Variants in ISOC2 observed in about 807,000 individuals in gnomAD.
The protein encoded by ISOC2 is isochorismatase domain-containing protein 2.
Under a neutral mutation model 19.3 loss-of-function variants are expected in ISOC2, and 15 were observed. The ratio of observed to expected loss-of-function variants is 0.78; its 90% CI spans 0.52 to 1.20. The LOEUF is 1.20. Ranked by LOEUF, ISOC2 falls within the 50% of genes most tolerant of loss-of-function variation. The pLI, the probability that ISOC2 is intolerant of heterozygous loss-of-function variation, is 0.00. For missense variants in ISOC2, 285 were observed against 272.4 expected (o/e 1.05, Z -0.33); for synonymous variants, 106 against 115.8 (o/e 0.92, Z 0.54).
At position 55,455,142 on chromosome 19, in the gene ISOC2, G is replaced by C. The variant is rs200870277; in HGVS notation, c.420-36C>G. On this transcript the variant is annotated intron_variant, in intron 4 of 5. Transcript: ENST00000425675. ...GAGGGAGGGAGGGAAGGTTGGTGTG[G>C]ACGCCGCAGTCTGGACACCCAGACA... 5 of 1,589,536 alleles carry C rather than the reference G, an allele frequency of 3.1e-6. No individual in the cohort carries two copies. The Admixed American group carries it at 5.0e-5, about 16-fold the overall frequency.
chr19:55,456,493 G>T lies in ISOC2; in HGVS notation c.-3-4C>A, dbSNP rs747584272. The T allele has an allele frequency of 6.2e-7, 1 of 1,613,550 alleles. No individual in the cohort carries two copies. The highest frequency in any genetic ancestry group is 8.5e-7 in the Non-Finnish European group (1 of 1,179,712). On this transcript the variant is annotated splice_region_variant and splice_polypyrimidine_tract_variant and intron_variant, in intron 1 of 5. Coordinates refer to ENST00000425675, the MANE Select transcript of ISOC2 (RefSeq NM_001136201.2). The stretch of plus-strand genomic sequence containing the variant: ...TGGGCCTGGCAGCCGCCATTTTCTG[G>T]GGGTGGGCAGAGGGACGGTGGGTCA...
intron 3 of ISOC2, 28 bp from the exon 4 acceptor site, chr19:55,455,358 C>T: frequency 6.2e-7 from 1 of 1,613,908 alleles, no homozygotes; most frequent in South Asian, 1.1e-5. Context: ...TCAGGGCCAA[C>T]CCCGGATAAG....
intron 1 of ISOC2, 27 bp from the exon 2 acceptor site, chr19:55,456,516 T>C (rs1251523464): frequency 6.2e-7 from 1 of 1,611,758 alleles, no homozygotes. Flanking sequence ...GGACGGTGGG[T>C]CAGGCCCGAG....
rs749732792 is a variant in ISOC2 at position 55,455,748 on chromosome 19, G to A, written c.236C>T (p.Pro79Leu). The A allele has an allele frequency of 1.1e-5, 18 of 1,595,774 alleles. No individual in the cohort carries two copies. Among genetic ancestry groups the A allele is most frequent in the African/African-American group, 9.4e-5 (7 of 74,818 alleles). The change falls in exon 3 of 6, where the codon CCG becomes CTG. Residue 79 changes from proline to leucine, a missense_variant. Coordinates refer to ENST00000425675, the MANE Select transcript of ISOC2 (RefSeq NM_001136201.2). ...VPELGTEGLR[P>L]LAKTCFSMVP... ...CATGCTGAAGCAGGTCTTGGCCAGC[G>A]GCCGAAGGCCCTCAGTCCCCAGCTC...
chr19:55,453,545 C>T, intron 5 of ISOC2, 157 bp from the exon 6 acceptor site: 1 of 515,150 alleles, frequency 1.9e-6, no homozygotes, highest in Non-Finnish European at 3.4e-6. Flanking sequence ...TTCCTGGGGC[C>T]TCCCTTTCAT....
chr19:55,455,451 G>A (rs1303782332), intron 3 of ISOC2, 121 bp from the exon 4 acceptor site: 15 of 1,388,900 alleles, frequency 1.1e-5, no homozygotes, highest in Non-Finnish European at 1.2e-5. Flanking sequence ...TCGGATCAGA[G>A]GAAGGGGCCC....
rs139854789 is a variant in ISOC2, at chr19:55,456,358, G to A, written c.129C>T (p.Arg43=). 138 of 1,613,780 alleles carry A rather than the reference G, an allele frequency of 8.6e-5. 1 individual carries two copies. In the African/African-American group the frequency reaches 1.7e-3, roughly 20 times the overall value. The stretch of plus-strand genomic sequence containing the variant: ...GGGGCTGAGGTCATACCTTGAGCAT[G>A]CGGGCAGCCACTGAGACGATCTGTG... The part of the protein sequence containing the change: ...YFPQIVSVAA[R]MLKVARLLEV... Residue 43 remains arginine, a synonymous_variant, in exon 2 of 6, where the codon CGC becomes CGT. Transcript: ENST00000425675.
chr19:55,455,102 CCTGG>C lies in ISOC2; in HGVS notation c.420_423del (p.Ser140ArgfsTer11). On this transcript the variant is annotated frameshift_variant and splice_region_variant, in exon 5 of 6. Coordinates refer to ENST00000425675, the MANE Select transcript of ISOC2 (RefSeq NM_001136201.2). LOFTEE classifies it high-confidence loss of function. The stretch of plus-strand genomic sequence containing the variant: ...CGGGCCAGAGCCACCAGCCGGTCCA[CCTGG>C]CTGTGAGTGGGAGGGAGGGAGGGAA... 1 of 1,607,410 alleles carries C rather than the reference CCTGG, an allele frequency of 6.2e-7. No homozygotes were observed. The highest frequency in any genetic ancestry group is 1.1e-5 in the South Asian group (1 of 90,838).
chr19:55,460,723 C>T (rs1214978017), intron 1 of ISOC2, among the ~76,000 whole-genome samples: 6 of 152,202 alleles, frequency 3.9e-5, no homozygotes, highest in Non-Finnish European at 8.8e-5. Context: ...ATTTGCAAAC[C>T]GTTCGATTTT....
In ISOC2 at chr19:55,453,250, G is replaced by C. The variant is rs980328901; in HGVS notation, c.*58C>G. 3.2e-5 allele frequency: 41 copies of C among 1,285,300 alleles called. No individual in the cohort carries two copies. The highest frequency in any genetic ancestry group is 4.3e-5 in the Non-Finnish European group (39 of 916,848). 79.6% of individuals were successfully genotyped at this position (1,285,300 alleles called of 1,614,324 possible). A position where few individuals can be genotyped will look rare whatever the true frequency, so the allele number is the denominator to read the frequency against. ...TGGGATCCAGGGATGGGGGGAACGGGCTTCCACTGAGGTCCGGGTGACAGG... is the reference window on the plus strand; with the variant it reads ...TGGGATCCAGGGATGGGGGGAACGGCCTTCCACTGAGGTCCGGGTGACAGG... On this transcript the variant is annotated 3_prime_UTR_variant, in exon 6 of 6. Transcript: ENST00000425675.
chr19:55,453,113 C>T lies in ISOC2; in HGVS notation c.*195G>A, dbSNP rs1038927285. 5.5e-5 allele frequency: 29 copies of T among 524,876 alleles called. 1 individual carries two copies. The highest frequency in any genetic ancestry group is 8.5e-5 in the South Asian group (3 of 35,458). 32.5% of individuals were successfully genotyped at this position (524,876 alleles called of 1,614,324 possible). On this transcript the variant is annotated 3_prime_UTR_variant, in exon 6 of 6. Transcript: ENST00000425675. ...CCTCCATCTTGGCTCAGCCAATTCC[C>T]ACCCAGTTTCCAGGAGTCTCATTTG...
intron 1 of ISOC2, among the ~76,000 whole-genome samples, chr19:55,460,908 G>A (rs756740427): frequency 1.5e-4 from 23 of 152,100 alleles, no homozygotes; most frequent in South Asian, 6.2e-4. Flanking sequence ...GGTGGGGAAA[G>A]TCGGGGAGAA....
chr19:55,459,081 G>A (rs1221840440), intron 1 of ISOC2, among the ~76,000 whole-genome samples: 2 of 151,976 alleles, frequency 1.3e-5, no homozygotes, highest in Non-Finnish European at 2.9e-5. Flanking sequence ...ACAGGTGTAT[G>A]CCACCACACC....
In ISOC2 at chr19:55,455,123, G is replaced by A; in HGVS notation, c.420-17C>T. On this transcript the variant is annotated splice_polypyrimidine_tract_variant and intron_variant, in intron 4 of 5. Coordinates refer to ENST00000425675, the MANE Select transcript of ISOC2 (RefSeq NM_001136201.2). The stretch of plus-strand genomic sequence containing the variant: ...TCCACCTGGCTGTGAGTGGGAGGGA[G>A]GGAGGGAAGGTTGGTGTGGACGCCG... 1.9e-6 allele frequency: 3 copies of A among 1,584,364 alleles called. No homozygotes were observed. The highest frequency in any genetic ancestry group is 1.1e-5 in the South Asian group (1 of 90,424).
chr19:55,459,865 G>A (rs1986180148), intron 1 of ISOC2: 1 of 152,320 alleles, frequency 6.6e-6, no homozygotes. Context: ...AGGGCAGTGA[G>A]GAGCCATGGA....
intron 5 of ISOC2, chr19:55,454,507 A>G: frequency 6.2e-6 from 1 of 160,792 alleles, no homozygotes; most frequent in Non-Finnish European, 1.4e-5. Flanking sequence ...TACCTGGCTG[A>G]CCCCGGTAGC....
chr19:55,460,511 T>C (rs900800740), intron 1 of ISOC2, among the ~76,000 whole-genome samples: 5 of 152,106 alleles, frequency 3.3e-5, no homozygotes, highest in African/African-American at 1.2e-4. Context: ...CAATACTATA[T>C]ACAATAAAGG....
Position 55,453,046 on chromosome 19 carries a change from C to A in ISOC2, c.*262G>T. ...CCCACAGTCTGAGACTCTTCTTCCC[C>A]TCCCCTTCCCGCCCCGTGAAGTGGC... On this transcript the variant is annotated 3_prime_UTR_variant, in exon 6 of 6. Transcript: ENST00000425675. The A allele has an allele frequency of 2.3e-6, 1 of 440,880 alleles. No individual in the cohort carries two copies. Among genetic ancestry groups the A allele is most frequent in the Non-Finnish European group, 4.0e-6 (1 of 248,618 alleles). 27.3% of individuals were successfully genotyped at this position (440,880 alleles called of 1,614,324 possible).
rs1047702655 is a variant in ISOC2 at position 55,455,191 on chromosome 19, C to T, written c.419+69G>A. On this transcript the variant is annotated intron_variant, in intron 4 of 5. Coordinates refer to ENST00000425675, the MANE Select transcript of ISOC2 (RefSeq NM_001136201.2). ...CACGCAGGCACCCTGGTGGGAATGCCGCCTGTGGCCCTTCCTGGGAGCCCC... is the reference window on the plus strand; with the variant it reads ...CACGCAGGCACCCTGGTGGGAATGCTGCCTGTGGCCCTTCCTGGGAGCCCC... 8.3e-5 allele frequency: 130 copies of T among 1,561,686 alleles called. 1 individual carries two copies. Among genetic ancestry groups the T allele is most frequent in the African/African-American group, 1.9e-4 (14 of 73,818 alleles).
Sources: allele counts gnomAD v4.1 joint callset (sites outside exome capture counted in the v4.1 genomes callset), GRCh38; gene constraint gnomAD v4.1.1; transcripts MANE v1.5; gene names NCBI Gene and HGNC (gene_info 2026-07-23, HGNC 2026-07-21).